ARHGEF10: variants seen among roughly 807,000 people sequenced by gnomAD.
ARHGEF10 encodes the protein Rho guanine nucleotide exchange factor 10.
In ARHGEF10, 140 loss-of-function variants were observed where a neutral mutation model predicts 147.4. That is an observed-to-expected ratio of 0.95 (90% confidence interval 0.83 to 1.09). The LOEUF is 1.09. Among genes scored for constraint, ARHGEF10 ranks in the 50% least tolerant of loss-of-function variants. The pLI is 0.00. For missense variants in ARHGEF10, 2,222 were observed against 1,752.7 expected, an observed-to-expected ratio of 1.27 and a Z score of -4.78; for synonymous variants, 902 against 695.8, an observed-to-expected ratio of 1.30 and a Z score of -4.67.
chr8:1,826,015 A>G (rs1465016436), intron 1 of ARHGEF10: 2 of 1,132,692 alleles, frequency 1.8e-6, no homozygotes, highest in Admixed American at 4.3e-5. Context: ...GTATTTTTAA[A>G]AACACACTTT....
intron 2 of ARHGEF10, among the ~76,000 whole-genome samples, chr8:1,853,052 GCGCT>G (rs1805265066): frequency 6.6e-6 from 1 of 152,154 alleles, no homozygotes; most frequent in African/African-American, 2.4e-5. Context: ...TTTGGGCCGG[GCGCT>G]GGCGGGTGGT....
rs140941264 is a variant in ARHGEF10, at chr8:1,860,118, C to G, written c.415C>G (p.Leu139Val). The change falls in exon 4 of 29, where the codon CTG becomes GTG. Residue 139 changes from leucine (L) to valine (V), a missense_variant. Coordinates refer to ENST00000349830, the MANE Select transcript of ARHGEF10 (RefSeq NM_014629.4). ...VPCGYAVPSN[L>V]PLLLPAYSSP... The stretch of plus-strand genomic sequence containing the variant: ...CTGCGGCTATGCGGTGCCCTCCAAC[C>G]TGCCCCTCCTGCTGCCCGCCTACTC... 74 of 1,613,978 alleles carry G rather than the reference C, an allele frequency of 4.6e-5. No homozygotes were observed. In the South Asian group the frequency reaches 8.1e-4, roughly 18 times the overall value.
intron 4 of ARHGEF10, 99 bp from the exon 5 acceptor site, chr8:1,864,274 G>T: frequency 8.3e-7 from 1 of 1,199,158 alleles, no homozygotes; most frequent in Non-Finnish European, 1.2e-6. Flanking sequence ...GCCTCTGATT[G>T]ATAGGAAAGT....
chr8:1,858,146 C>T (rs772836051), intron 3 of ARHGEF10, 31 bp downstream of exon 3: 2 of 1,595,352 alleles, frequency 1.3e-6, no homozygotes, highest in East Asian at 2.3e-5. Context: ...CCAGGTGAGT[C>T]CCCAGGTGGG....
chr8:1,841,862 TGGGGCCGCGGCGGGAACTGGGG>T (rs1563161483), intron 1 of ARHGEF10, among the ~76,000 whole-genome samples: 1 of 113,298 alleles, frequency 8.8e-6, no homozygotes, highest in East Asian at 2.9e-4. Flanking sequence ...CGGCGGGAAC[TGGGGCCGCGGCGGGAACTGGGG>T]CCGCGGCGGG....
intron 2 of ARHGEF10, among the ~76,000 whole-genome samples, chr8:1,855,512 G>T (rs548358675): frequency 6.6e-6 from 1 of 151,994 alleles, no homozygotes; most frequent in Non-Finnish European, 1.5e-5. Context: ...CTTCGGAGTA[G>T]GTGGGACCAC....
intron 15 of ARHGEF10, 100 bp from the exon 16 acceptor site, chr8:1,903,181 C>T (rs956897461): frequency 3.5e-6 from 5 of 1,442,256 alleles, no homozygotes; most frequent in Admixed American, 1.7e-5. Context: ...ATGGCAGATG[C>T]CACTGCCTCC....
rs962053220 is a variant in ARHGEF10 at position 1,860,013 on chromosome 8, C to A, written c.310C>A (p.Gln104Lys). 2 of 1,614,124 alleles carry A rather than the reference C, an allele frequency of 1.2e-6. No homozygotes were observed. The highest frequency in any genetic ancestry group is 1.7e-6 in the Non-Finnish European group (2 of 1,180,002). ...VIDITPFQED[Q>K]PPTPVPSAEE... is the part of the protein sequence containing the mutation. Reference sequence around the variant, plus strand: ...CGACATCACGCCATTCCAGGAGGACCAGCCGCCCACCCCCGTGCCCAGCGC... The same window carrying A: ...CGACATCACGCCATTCCAGGAGGACAAGCCGCCCACCCCCGTGCCCAGCGC... Residue 104 changes from glutamine to lysine, a missense_variant, in exon 4 of 29, where the codon CAG (glutamine) becomes AAG (lysine). Transcript: ENST00000349830.
chr8:1,861,737 G>A (rs916147765), intron 4 of ARHGEF10, among the ~76,000 whole-genome samples: 1 of 152,176 alleles, frequency 6.6e-6, no homozygotes, highest in Non-Finnish European at 1.5e-5. Flanking sequence ...GTCGGCCAGA[G>A]TCCTCGGAAC....
chr8:1,885,567 T>C (rs1808584084), intron 10 of ARHGEF10, 34 bp from the exon 11 acceptor site: 5 of 1,411,346 alleles, frequency 3.5e-6, no homozygotes, highest in Non-Finnish European at 5.0e-6. Context: ...ATTATTTGAA[T>C]GTAAAATTCA....
At chr8:1,924,065 A>G (rs1812500228) in intron 21 of ARHGEF10, among the ~76,000 whole-genome samples, 191 bp downstream of exon 21, 3 of 152,214 alleles carry the variant, frequency 2.0e-5, no homozygotes, top group African/African-American at 7.2e-5. Flanking sequence ...AAATAGAGGG[A>G]TCGCATATTA....
At chr8:1,892,910 A>G (rs1253052164) in intron 11 of ARHGEF10, among the ~76,000 whole-genome samples, 2 of 152,192 alleles carry the variant, frequency 1.3e-5, no homozygotes, top group South Asian at 2.1e-4. Flanking sequence ...GGGATCTTAC[A>G]GCCACAAGTC....
chr8:1,898,831 G>A (rs1181526324), intron 15 of ARHGEF10, among the ~76,000 whole-genome samples: 1 of 152,152 alleles, frequency 6.6e-6, no homozygotes, highest in Admixed American at 6.5e-5. Flanking sequence ...CCCAGCACTG[G>A]GGGGCCGCGG....
At chr8:1,939,677 T>A (rs954878973) in intron 26 of ARHGEF10, among the ~76,000 whole-genome samples, 1 of 152,208 alleles carries the variant, frequency 6.6e-6, no homozygotes, top group East Asian at 1.9e-4. Context: ...AAAACCGGGA[T>A]GCCACCTCAG....
intron 18 of ARHGEF10, among the ~76,000 whole-genome samples, chr8:1,921,859 C>T (rs1352975199): frequency 2.0e-5 from 3 of 152,202 alleles, no homozygotes; most frequent in Admixed American, 6.5e-5. Flanking sequence ...GAAGCCTGTC[C>T]TGCTGAAACA....
intron 2 of ARHGEF10, among the ~76,000 whole-genome samples, chr8:1,857,403 C>G (rs1198286904): frequency 6.6e-6 from 1 of 150,834 alleles, no homozygotes; most frequent in East Asian, 1.9e-4. Context: ...TTTCCCCTTA[C>G]TTTCTCTTGT....
At position 1,944,852 on chromosome 8, in the gene ARHGEF10, T is replaced by C. The variant is rs376230493; in HGVS notation, c.3223-629T>C. Among the ~76,000 whole-genome samples, 43 of 152,224 alleles carry C rather than the reference T, an allele frequency of 2.8e-4. No individual in the cohort carries two copies. The South Asian group carries it at 8.5e-3, about 30-fold the overall frequency. On this transcript the variant is annotated intron_variant, in intron 26 of 28. Transcript: ENST00000349830. ...GAACTCCAGGCAGCCCCTGAGGCCA[T>C]GTTGGGGGGTCGCTGTGTTAGCAGC...
chr8:1,956,819 C>G lies in ARHGEF10; in HGVS notation c.3591C>G (p.His1197Gln), dbSNP rs199800515. 7.4e-6 allele frequency: 12 copies of G among 1,613,930 alleles called. No individual in the cohort carries two copies. The highest frequency in any genetic ancestry group is 1.1e-5 in the South Asian group (1 of 91,076). Reference sequence around the variant, plus strand: ...TCATCGTCCTGGCCACGGCTCTGCACGAGAAAGACAAGGACAAATCCAGGG... The same window carrying G: ...TCATCGTCCTGGCCACGGCTCTGCAGGAGAAAGACAAGGACAAATCCAGGG... ...VKFIVLATAL[H>Q]EKDKDKSRDS... Residue 1197 changes from histidine to glutamine, a missense_variant, in exon 29 of 29, where the codon CAC (histidine) becomes CAG (glutamine). His to Gln is a conservative substitution (Grantham distance 24, BLOSUM62 0). Transcript: ENST00000349830.
At chr8:1,859,770 A>C in intron 3 of ARHGEF10, 127 bp from the exon 4 acceptor site, 3 of 1,143,792 alleles carry the variant, frequency 2.6e-6, no homozygotes, top group Non-Finnish European at 3.9e-6. Flanking sequence ...TGACCTGGGA[A>C]CGTCTAGGGG....
Sources: gnomAD v4.1 joint callset for allele counts (sites outside exome capture counted in the v4.1 genomes callset) on GRCh38, gnomAD v4.1.1 for gene constraint, MANE v1.5 for transcripts, NCBI Gene and HGNC (gene_info 2026-07-23, HGNC 2026-07-21) for gene names.